The following CACNB4 variants were observed in gnomAD, a reference collection of about 807,000 sequenced individuals.
CACNB4 encodes calcium voltage-gated channel auxiliary subunit beta 4.
Under a neutral mutation model 71.2 loss-of-function variants are expected in CACNB4, and 32 were observed. The ratio of observed to expected loss-of-function variants is 0.45; its 90% CI spans 0.34 to 0.60. The LOEUF is 0.60. Ranked by LOEUF, CACNB4 falls within the 20% of genes least tolerant of loss-of-function variation. The probability of loss-of-function intolerance (pLI) is 0.01; values close to 1 mark genes in which losing one functional copy is unlikely to be tolerated. For synonymous variants in CACNB4, 231 were observed against 236.9 expected, an observed-to-expected ratio of 0.97 and a Z score of 0.23; for missense variants, 464 against 647.9, an observed-to-expected ratio of 0.72 and a Z score of 3.08.
At chr2:151,882,181 CTTTTTTTTTTTTTT>C (rs35206904) in intron 3 of CACNB4, among the ~76,000 whole-genome samples, 26 of 50,836 alleles carry the variant, frequency 5.1e-4, no homozygotes, top group Admixed American at 3.4e-3. Flanking sequence ...ACCGGCCCCT[CTTTTTTTTTTTTTT>C]TTTTTTTTTT....
intron 3 of CACNB4, among the ~76,000 whole-genome samples, chr2:151,881,470 C>G (rs140246989): frequency 6.6e-6 from 1 of 152,340 alleles, no homozygotes; most frequent in African/African-American, 2.4e-5. Flanking sequence ...CACCTTCTCT[C>G]TAGCTAACGA....
chr2:151,897,525 G>GA (rs375973751), intron 2 of CACNB4, among the ~76,000 whole-genome samples: 24 of 151,934 alleles, frequency 1.6e-4, no homozygotes, highest in African/African-American at 5.8e-4. Context: ...CAAACAAATA[G>GA]AAAAAAAAGT....
rs545224187 is a variant in CACNB4, at chr2:152,020,092, T to C, written c.147+78238A>G. Among the ~76,000 whole-genome samples, 5 of 152,354 alleles carry C rather than the reference T, an allele frequency of 3.3e-5. No homozygotes were observed. In the South Asian group the frequency reaches 1.0e-3, roughly 32 times the overall value. ...GCCTATGTGTACATTCCCAAATCAATGTCTCTGGAACCTAGAGATCCTGGT... is the reference window on the plus strand; with the variant it reads ...GCCTATGTGTACATTCCCAAATCAACGTCTCTGGAACCTAGAGATCCTGGT... On this transcript the variant is annotated intron_variant, in intron 2 of 13. Transcript: ENST00000539935.
intron 2 of CACNB4, among the ~76,000 whole-genome samples, chr2:152,042,731 C>G (rs974352357): frequency 4.6e-5 from 7 of 152,096 alleles, no homozygotes; most frequent in African/African-American, 1.7e-4. Context: ...GCGTTTGAAC[C>G]AGAGCAACTC....
At chr2:152,031,616 C>CTCAG (rs1684288975) in intron 2 of CACNB4, among the ~76,000 whole-genome samples, 1 of 152,252 alleles carries the variant, frequency 6.6e-6, no homozygotes, top group Non-Finnish European at 1.5e-5. Context: ...ACAGATGGAG[C>CTCAG]TCAGGTCTCC....
intron 2 of CACNB4, among the ~76,000 whole-genome samples, chr2:152,019,088 A>G (rs1683513066): frequency 2.0e-5 from 3 of 152,128 alleles, no homozygotes; most frequent in Admixed American, 2.0e-4. Flanking sequence ...TGTAGGTTGC[A>G]TTCACAATGG....
At chr2:151,971,333 A>C in intron 2 of CACNB4, 1 of 598,422 alleles carries the variant, frequency 1.7e-6, no homozygotes, top group Admixed American at 2.9e-5. Context: ...TAACCCCCAC[A>C]CACCCCACAA....
Position 151,868,280 on chromosome 2 carries a change from TAAAG to T in CACNB4, c.758+893_758+896del, listed in dbSNP as rs2099843699. On this transcript the variant is annotated intron_variant, in intron 9 of 13. Coordinates refer to ENST00000539935, the MANE Select transcript of CACNB4 (RefSeq NM_000726.5). ...ATGGCTTAATTACTGCCTTCAAAAA[TAAAG>T]AATGTGATGTTTTTCTTCAATCCTA... 3 of 152,296 alleles carry T rather than the reference TAAAG, an allele frequency of 2.0e-5. No homozygotes were observed. The South Asian group carries it at 6.2e-4, about 32-fold the overall frequency. The allele number at this position is 152,296 out of a possible 1,614,324, so 9.4% of individuals were successfully genotyped here. A position where few individuals can be genotyped will look rare whatever the true frequency, so the allele number is the denominator to read the frequency against.
At chr2:151,929,030 G>A (rs538694655) in intron 2 of CACNB4, among the ~76,000 whole-genome samples, 24 of 152,040 alleles carry the variant, frequency 1.6e-4, no homozygotes, top group African/African-American at 5.1e-4. Context: ...TCTCTAACTC[G>A]TGGAGATTCT....
rs551813526 is a variant in CACNB4, at chr2:152,052,412, A to T, written c.147+45918T>A. Among the ~76,000 whole-genome samples the T allele has an allele frequency of 1.2e-3, 178 of 152,154 alleles. 2 individuals are homozygous for T. The highest frequency in any genetic ancestry group is 0.011 in the Admixed American group (163 of 15,278). On this transcript the variant is annotated intron_variant, in intron 2 of 13. Coordinates refer to ENST00000539935, the MANE Select transcript of CACNB4 (RefSeq NM_000726.5). ...ACCTCCCGGGTTCAAAGCAATTCTC[A>T]TGCCACAGCCTAAGTAGCTGGGACT... is the stretch of plus-strand genomic sequence containing the variant.
intron 2 of CACNB4, among the ~76,000 whole-genome samples, chr2:152,059,593 A>G (rs1159543407): frequency 2.0e-5 from 3 of 152,234 alleles, no homozygotes; most frequent in African/African-American, 4.8e-5. Context: ...TGTATCTTGG[A>G]AGGAACTAAC....
chr2:151,973,610 G>T (rs1239431010), intron 2 of CACNB4: 7 of 1,477,120 alleles, frequency 4.7e-6, no homozygotes, highest in Non-Finnish European at 6.6e-6. Flanking sequence ...GGGGTGGAGG[G>T]GATAGTGGGA....
At chr2:152,080,127 C>CT (rs56902459) in intron 2 of CACNB4, among the ~76,000 whole-genome samples, 2,175 of 146,098 alleles carry the variant, frequency 0.015, 38 homozygotes, top group African/African-American at 0.039. Context: ...AATTTACTGT[C>CT]TTTTTTTTTT....
chr2:151,833,399 C>G lies in CACNB4; in HGVS notation c.*5720G>C, dbSNP rs941234396. ...GGTTGGGACATCTTTATTGATCATTCTGACTCGAGGCTGTGAAAAATACAA... is the reference window on the plus strand; with the variant it reads ...GGTTGGGACATCTTTATTGATCATTGTGACTCGAGGCTGTGAAAAATACAA... On this transcript the variant is annotated 3_prime_UTR_variant, in exon 14 of 14. Transcript: ENST00000539935. 4.6e-5 allele frequency: 7 copies of G among 152,070 alleles called. No individual in the cohort carries two copies. The highest frequency in any genetic ancestry group is 1.7e-4 in the African/African-American group (7 of 41,420). The allele number at this position is 152,070 out of a possible 1,614,324, so 9.4% of individuals were successfully genotyped here. A position where few individuals can be genotyped will look rare whatever the true frequency, so the allele number is the denominator to read the frequency against.
In CACNB4 at chr2:151,837,316, T is replaced by C. The variant is rs1281994953; in HGVS notation, c.*1803A>G. 1.3e-5 allele frequency: 2 copies of C among 151,984 alleles called. No individual in the cohort carries two copies. 9.4% of individuals were successfully genotyped at this position (151,984 alleles called of 1,614,324 possible). Reference sequence around the variant, plus strand: ...CATTATCAGCTAAACAGGTTCATAATGGGGTACAAACACTGAACATAAATG... The same window carrying C: ...CATTATCAGCTAAACAGGTTCATAACGGGGTACAAACACTGAACATAAATG... On this transcript the variant is annotated 3_prime_UTR_variant, in exon 14 of 14. Coordinates refer to ENST00000539935, the MANE Select transcript of CACNB4 (RefSeq NM_000726.5).
intron 2 of CACNB4, among the ~76,000 whole-genome samples, chr2:152,064,495 C>T (rs1686190592): frequency 6.6e-6 from 1 of 152,202 alleles, no homozygotes; most frequent in Non-Finnish European, 1.5e-5. Context: ...ATTCTCCTGC[C>T]TCAGCCTCCC....
intron 2 of CACNB4, among the ~76,000 whole-genome samples, chr2:152,036,938 G>C (rs554918019): frequency 1.3e-4 from 20 of 152,304 alleles, no homozygotes; most frequent in Middle Eastern, 3.4e-3. Context: ...TGCACTAGAT[G>C]CTAGAAAGCA....
At chr2:152,083,785 C>T (rs1687498653) in intron 2 of CACNB4, among the ~76,000 whole-genome samples, 1 of 152,178 alleles carries the variant, frequency 6.6e-6, no homozygotes, top group Non-Finnish European at 1.5e-5. Flanking sequence ...AAGTTTGATC[C>T]TCATCCACTT....
intron 2 of CACNB4, among the ~76,000 whole-genome samples, chr2:152,088,050 G>C (rs1309724889): frequency 2.6e-5 from 4 of 151,864 alleles, no homozygotes; most frequent in Non-Finnish European, 4.4e-5. Flanking sequence ...AGAGGATGCA[G>C]AATGACTGCT....
Sources: allele counts gnomAD v4.1 joint callset (sites outside exome capture counted in the v4.1 genomes callset), GRCh38; gene constraint gnomAD v4.1.1; transcripts MANE v1.5; gene names NCBI Gene and HGNC (gene_info 2026-07-23, HGNC 2026-07-21).